The following CTIF variants were observed in gnomAD, a reference collection of about 807,000 sequenced individuals.
CTIF encodes cap binding complex dependent translation initiation factor.
In CTIF, 21 loss-of-function variants were observed where a neutral mutation model predicts 66.0. The ratio of observed to expected loss-of-function variants is 0.32; its 90% CI spans 0.23 to 0.46. The LOEUF (loss-of-function observed/expected upper bound fraction) is 0.46, where lower values mean the gene tolerates loss of function less well. Ranked by LOEUF, CTIF falls within the 20% of genes least tolerant of loss-of-function variation. The pLI is 1.00. For missense variants in CTIF, 739 were observed against 812.7 expected (o/e 0.91, Z 1.10); for synonymous variants, 345 against 326.4 (o/e 1.06, Z -0.62).
rs2089439745 is a variant in CTIF at position 48,572,536 on chromosome 18, G to T, written c.-29+33224G>T. Reference sequence around the variant, plus strand: ...TTGCCCAAGATTACACAGCTAGTAGGAGCTAGAAGCAGAATCTGGCCTGGG... The same window carrying T: ...TTGCCCAAGATTACACAGCTAGTAGTAGCTAGAAGCAGAATCTGGCCTGGG... On this transcript the variant is annotated intron_variant, in intron 1 of 11. Transcript: ENST00000256413. Among the ~76,000 whole-genome samples the T allele has an allele frequency of 2.0e-5, 3 of 152,166 alleles. No individual in the cohort carries two copies. In the South Asian group the frequency reaches 6.2e-4, roughly 32 times the overall value.
chr18:48,754,364 A>G (rs938341137), intron 7 of CTIF, among the ~76,000 whole-genome samples: 2 of 152,138 alleles, frequency 1.3e-5, no homozygotes, highest in Non-Finnish European at 2.9e-5. Flanking sequence ...AGTGCACCTC[A>G]CGGAGCCTCG....
chr18:48,770,998 C>A (rs931227203), intron 9 of CTIF, among the ~76,000 whole-genome samples: 11 of 152,100 alleles, frequency 7.2e-5, no homozygotes, highest in African/African-American at 1.9e-4. Flanking sequence ...TTCCATTTCC[C>A]CCCCCTACGC....
chr18:48,688,840 G>A (rs905991898), intron 6 of CTIF, among the ~76,000 whole-genome samples: 11 of 152,248 alleles, frequency 7.2e-5, no homozygotes, highest in African/African-American at 2.7e-4. Flanking sequence ...CATCACTAAA[G>A]CATCTGCACA....
intron 10 of CTIF, among the ~76,000 whole-genome samples, chr18:48,839,680 T>A (rs2068893675): frequency 6.6e-6 from 1 of 152,184 alleles, no homozygotes; most frequent in Non-Finnish European, 1.5e-5. Context: ...CAAATGCTGA[T>A]CTGCTTATGC....
chr18:48,635,929 T>C (rs1411530736), intron 2 of CTIF, among the ~76,000 whole-genome samples: 3 of 152,196 alleles, frequency 2.0e-5, no homozygotes, highest in African/African-American at 7.2e-5. Context: ...AATGCATCCC[T>C]TGGGGAGCTC....
chr18:48,674,749 G>A (rs2091597369), intron 6 of CTIF, among the ~76,000 whole-genome samples: 2 of 152,210 alleles, frequency 1.3e-5, no homozygotes, highest in Non-Finnish European at 2.9e-5. Flanking sequence ...GTAGGTGTCT[G>A]TGTCCAGGGC....
At chr18:48,715,561 G>A (rs2092272831) in intron 7 of CTIF, among the ~76,000 whole-genome samples, 1 of 152,130 alleles carries the variant, frequency 6.6e-6, no homozygotes, top group South Asian at 2.1e-4. Flanking sequence ...GACCAGAAGA[G>A]CAAGCTCACT....
chr18:48,585,678 A>T (rs2089752018), intron 1 of CTIF, among the ~76,000 whole-genome samples: 1 of 152,182 alleles, frequency 6.6e-6, no homozygotes, highest in Admixed American at 6.5e-5. Flanking sequence ...TGGCATTTTC[A>T]TCCCATCCCT....
rs74452182 is a variant in CTIF, at chr18:48,597,066, G to A, written c.-28-22472G>A. ...GGTCTCCTGGGGATGCTGAGTGGGT[G>A]GAATAAGGGGCAAATGTTGGAGGAT... On this transcript the variant is annotated intron_variant, in intron 1 of 11. Coordinates refer to ENST00000256413, the MANE Select transcript of CTIF (RefSeq NM_014772.3). 9.7e-4 allele frequency among the ~76,000 whole-genome samples: 147 copies of A among 152,304 alleles called. 2 individuals carry two copies. Among genetic ancestry groups the A allele is most frequent in the African/African-American group, 3.4e-3 (143 of 41,556 alleles).
At chr18:48,752,315 G>A (rs1358122549) in intron 7 of CTIF, among the ~76,000 whole-genome samples, 1 of 152,162 alleles carries the variant, frequency 6.6e-6, no homozygotes, top group African/African-American at 2.4e-5. Context: ...GAGTGCTCAG[G>A]AAGTAGCTGG....
At position 48,641,786 on chromosome 18, in the gene CTIF, A is replaced by T. The variant is rs1219360166; in HGVS notation, c.252+5101A>T. On this transcript the variant is annotated intron_variant, in intron 3 of 11. Transcript: ENST00000256413. ...ACTGGATCCAAATCACTGCCACAGC[A>T]GGTCTGGGTCTTCCTAATTTCTCTA... Among the ~76,000 whole-genome samples the T allele has an allele frequency of 5.3e-4, 81 of 152,258 alleles. 1 individual carries two copies. Among genetic ancestry groups the T allele is most frequent in the Non-Finnish European group, 5.9e-5 (4 of 68,042 alleles).
At chr18:48,849,732 C>T (rs769496489) in intron 10 of CTIF, among the ~76,000 whole-genome samples, 16 of 151,602 alleles carry the variant, frequency 1.1e-4, no homozygotes, top group African/African-American at 3.2e-4. Context: ...ACTACAGGCC[C>T]GCACCACCAC....
At chr18:48,554,966 C>G (rs1568029162) in intron 1 of CTIF, among the ~76,000 whole-genome samples, 1 of 150,402 alleles carries the variant, frequency 6.6e-6, no homozygotes, top group African/African-American at 2.5e-5. Flanking sequence ...TCCCATTCTC[C>G]TTCCAGGGTG....
At chr18:48,548,980 CTG>C (rs888052979) in intron 1 of CTIF, among the ~76,000 whole-genome samples, 1 of 150,586 alleles carries the variant, frequency 6.6e-6, no homozygotes, top group Non-Finnish European at 1.5e-5. Flanking sequence ...AGTCGGATGA[CTG>C]TGAATTTTTT....
intron 6 of CTIF, among the ~76,000 whole-genome samples, chr18:48,671,189 A>G (rs1180421539): frequency 6.6e-6 from 1 of 152,046 alleles, no homozygotes; most frequent in African/African-American, 2.4e-5. Context: ...GGTGTCTGCT[A>G]TGCTTGCTCT....
intron 1 of CTIF, among the ~76,000 whole-genome samples, chr18:48,611,771 G>C (rs770190250): frequency 6.6e-6 from 1 of 152,186 alleles, no homozygotes; most frequent in Non-Finnish European, 1.5e-5. Flanking sequence ...CAAATTGATA[G>C]TTACAATGTG....
chr18:48,859,262 C>A, intron 11 of CTIF, 82 bp from the exon 12 acceptor site: 1 of 1,213,352 alleles, frequency 8.2e-7, no homozygotes, highest in Non-Finnish European at 1.2e-6. Flanking sequence ...CAGCTATTTC[C>A]TATCCCTGCC....
chr18:48,608,001 A>G (rs2090235150), intron 1 of CTIF, among the ~76,000 whole-genome samples: 1 of 152,134 alleles, frequency 6.6e-6, no homozygotes, highest in Non-Finnish European at 1.5e-5. Context: ...TTTATTTCCA[A>G]GTTCTGAGGG....
At chr18:48,787,591 C>T (rs1911828843) in intron 9 of CTIF, among the ~76,000 whole-genome samples, 1 of 152,174 alleles carries the variant, frequency 6.6e-6, no homozygotes, top group Admixed American at 6.5e-5. Flanking sequence ...GTGACGGGCC[C>T]CAGCTCCAGG....
Sources: allele counts gnomAD v4.1 joint callset (sites outside exome capture counted in the v4.1 genomes callset), GRCh38; gene constraint gnomAD v4.1.1; transcripts MANE v1.5; gene names NCBI Gene and HGNC (gene_info 2026-07-23, HGNC 2026-07-21).